GPR158: variants seen among roughly 807,000 people sequenced by gnomAD.
The protein encoded by GPR158 is metabotropic glycine receptor.
In GPR158, 30 loss-of-function variants were observed where a neutral mutation model predicts 78.2. The observed-to-expected ratio is 0.38, with a 90% confidence interval of 0.29 to 0.52. The LOEUF (loss-of-function observed/expected upper bound fraction) is 0.52. GPR158 is among the 20% of genes least tolerant of loss of function. The pLI is 0.83. For missense variants in GPR158, 1,463 were observed against 1,523.5 expected, an observed-to-expected ratio of 0.96 and a Z score of 0.66; for synonymous variants, 581 against 591.1, an observed-to-expected ratio of 0.98 and a Z score of 0.25.
At chr10:25,347,128 A>G (rs989467519) in intron 2 of GPR158, among the ~76,000 whole-genome samples, 20 of 152,002 alleles carry the variant, frequency 1.3e-4, no homozygotes, top group Non-Finnish European at 1.9e-4. Context: ...AGTTGGATAC[A>G]GGTCTCACTG....
chr10:25,432,395 T>C (rs4749026), intron 4 of GPR158, among the ~76,000 whole-genome samples: 72,533 of 151,952 alleles, frequency 0.48, 19,361 homozygotes, highest in Non-Finnish European at 0.61. Flanking sequence ...ATAGATGTAA[T>C]AGAATTAAAA....
At chr10:25,373,568 A>G (rs930950774) in intron 2 of GPR158, among the ~76,000 whole-genome samples, 2 of 151,844 alleles carry the variant, frequency 1.3e-5, no homozygotes, top group African/African-American at 4.8e-5. Context: ...AGGGCGATAA[A>G]TTTCTTATAA....
At chr10:25,417,886 A>T (rs1478562004) in intron 4 of GPR158, among the ~76,000 whole-genome samples, 4 of 152,128 alleles carry the variant, frequency 2.6e-5, no homozygotes, top group Non-Finnish European at 2.9e-5. Context: ...ATGTTCTTTA[A>T]TCCAGTTTCA....
At chr10:25,189,242 T>C (rs999170327) in intron 1 of GPR158, among the ~76,000 whole-genome samples, 1 of 152,184 alleles carries the variant, frequency 6.6e-6, no homozygotes, top group African/African-American at 2.4e-5. Flanking sequence ...CTCAAGGATC[T>C]AGAACTAGAA....
chr10:25,497,016 A>G (rs1835890518), intron 5 of GPR158, among the ~76,000 whole-genome samples: 1 of 152,136 alleles, frequency 6.6e-6, no homozygotes, highest in African/African-American at 2.4e-5. Context: ...TGGACAGGTG[A>G]CGGGCCAAGG....
At position 25,176,281 on chromosome 10, in the gene GPR158, T is replaced by G; in HGVS notation, c.861T>G (p.Ser287=). 6.2e-7 allele frequency: 1 copy of G among 1,608,554 alleles called. No homozygotes were observed. Among genetic ancestry groups the G allele is most frequent in the Non-Finnish European group, 8.5e-7 (1 of 1,177,854 alleles). Residue 287 remains serine, a synonymous_variant, in exon 1 of 11, where the codon TCT becomes TCG. Transcript: ENST00000376351. This position sits in a 1 kb window ranked among gnomAD's most constrained non-coding sequence, Gnocchi z 6.3. ...YKPGWLVTLS[S]AIYGLQPNLV... Reference sequence around the variant, plus strand: ...CCGGGTGGCTGGTTACTCTTTCCTCTGCCATCTACGGGTTGCAGCCTAACC... The same window carrying G: ...CCGGGTGGCTGGTTACTCTTTCCTCGGCCATCTACGGGTTGCAGCCTAACC...
At chr10:25,363,431 TACTG>T (rs891635884) in intron 2 of GPR158, among the ~76,000 whole-genome samples, 1 of 151,934 alleles carries the variant, frequency 6.6e-6, no homozygotes, top group African/African-American at 2.4e-5. Flanking sequence ...GATGAATTGT[TACTG>T]ACCCATCCAT....
intron 4 of GPR158, among the ~76,000 whole-genome samples, chr10:25,416,260 AGCTGT>A (rs1834659050): frequency 6.6e-6 from 1 of 152,164 alleles, no homozygotes; most frequent in South Asian, 2.1e-4. Flanking sequence ...TGGGAAACAT[AGCTGT>A]GCCTCTTTGA....
intron 4 of GPR158, among the ~76,000 whole-genome samples, chr10:25,420,829 C>T (rs10764545): frequency 0.7 from 106,369 of 151,980 alleles, 38,222 homozygotes; most frequent in Non-Finnish European, 0.8. Flanking sequence ...TCTGTGTGCC[C>T]CTCTTTATGC....
At chr10:25,217,411 A>G (rs930283993) in intron 1 of GPR158, among the ~76,000 whole-genome samples, 4 of 152,208 alleles carry the variant, frequency 2.6e-5, no homozygotes, top group African/African-American at 7.2e-5. Context: ...GTTACCACCG[A>G]AAGACCTAGG....
rs750379180 is a variant in GPR158, at chr10:25,175,799, G to C, written c.379G>C (p.Asp127His). 6.2e-7 allele frequency: 1 copy of C among 1,611,766 alleles called. No homozygotes were observed. The highest frequency in any genetic ancestry group is 1.3e-5 in the African/African-American group (1 of 75,036). Residue 127 changes from aspartate (D) to histidine (H), a missense_variant, in exon 1 of 11, where the codon GAC becomes CAC. Transcript: ENST00000376351. The surrounding 1 kb of genome is among the most constrained non-coding windows in gnomAD (Gnocchi z 6.4). ...SAHPSLHRAL[D>H]TLTHATNFLN... is the part of the protein sequence containing the mutation. ...GCACCCCTCCTTGCACCGGGCGCTGGACACACTGACACACGCCACCAACTT... is the reference window on the plus strand; with the variant it reads ...GCACCCCTCCTTGCACCGGGCGCTGCACACACTGACACACGCCACCAACTT...
intron 8 of GPR158, among the ~76,000 whole-genome samples, chr10:25,590,460 G>C (rs1837327009): frequency 6.6e-6 from 1 of 152,096 alleles, no homozygotes. Context: ...GACCTAAGAG[G>C]GGATGCCCTC....
At chr10:25,277,316 G>A (rs1854198726) in intron 2 of GPR158, among the ~76,000 whole-genome samples, 1 of 152,074 alleles carries the variant, frequency 6.6e-6, no homozygotes, top group Admixed American at 6.6e-5. Flanking sequence ...TTCAGATAAA[G>A]TTATAATGAG....
At chr10:25,466,792 A>T (rs1269249400) in intron 5 of GPR158, 73 bp downstream of exon 5, 2 of 656,092 alleles carry the variant, frequency 3.0e-6, no homozygotes, top group Non-Finnish European at 5.1e-6. Flanking sequence ...CTGTTTACAC[A>T]CACACACACA....
chr10:25,188,768 C>G (rs1588725304), intron 1 of GPR158, among the ~76,000 whole-genome samples: 1 of 152,104 alleles, frequency 6.6e-6, no homozygotes, highest in Non-Finnish European at 1.5e-5. Context: ...GCAACAGAAG[C>G]CAAAATTGAC....
chr10:25,258,122 A>T lies in GPR158; in HGVS notation c.1008+36965A>T, dbSNP rs555895232. 8.7e-3 allele frequency among the ~76,000 whole-genome samples: 1,330 copies of T among 152,328 alleles called. 48 individuals carry two copies. Among genetic ancestry groups the T allele is most frequent in the Admixed American group, 0.058 (881 of 15,294 alleles). On this transcript the variant is annotated intron_variant, in intron 2 of 10. Coordinates refer to ENST00000376351, the MANE Select transcript of GPR158 (RefSeq NM_020752.3). ...CCAGATAACTTCACTTTGTGCCCAG[A>T]GTCAAAGGGAAACATGTAAGCCATT...
intron 1 of GPR158, among the ~76,000 whole-genome samples, chr10:25,216,216 TG>T (rs1325113963): frequency 2.6e-5 from 4 of 152,236 alleles, no homozygotes; most frequent in African/African-American, 4.8e-5. Context: ...GAATGACTGA[TG>T]GCAGCTGATC....
chr10:25,512,306 G>A (rs1836096495), intron 5 of GPR158, among the ~76,000 whole-genome samples: 1 of 151,986 alleles, frequency 6.6e-6, no homozygotes, highest in Admixed American at 6.6e-5. Context: ...CATAAAGGCA[G>A]TCGAATTCTT....
At position 25,572,556 on chromosome 10, in the gene GPR158, G is replaced by A. The variant is rs1837022412; in HGVS notation, c.1515-93G>A. ...AAACTCTGATTAGCTGGATTTTGGT[G>A]GGTTTACATTTTACCTAGAAAAATA... On this transcript the variant is annotated intron_variant, in intron 6 of 10. Transcript: ENST00000376351. 4.8e-6 allele frequency: 4 copies of A among 833,664 alleles called. No homozygotes were observed. The Admixed American group carries it at 7.7e-5, about 16-fold the overall frequency. The allele number at this position is 833,664 out of a possible 1,614,324, so 51.6% of individuals were successfully genotyped here.
Sources: gnomAD v4.1 joint callset for allele counts (sites outside exome capture counted in the v4.1 genomes callset) on GRCh38, gnomAD v4.1.1 for gene constraint, Gnocchi (gnomAD v3.1) non-coding constraint, MANE v1.5 for transcripts, NCBI Gene and HGNC (gene_info 2026-07-23, HGNC 2026-07-21) for gene names.